The following IMMP2L variants were observed in gnomAD, a reference collection of about 807,000 sequenced individuals.
IMMP2L encodes the protein mitochondrial inner membrane protease subunit 2.
Under a neutral mutation model 19.3 loss-of-function variants are expected in IMMP2L, and 18 were observed. The ratio of observed to expected loss-of-function variants is 0.93; its 90% CI spans 0.64 to 1.38. The LOEUF (loss-of-function observed/expected upper bound fraction) is 1.38. Among genes scored for constraint, IMMP2L ranks in the 40% most tolerant of loss-of-function variants. IMMP2L has a pLI of 0.00. For missense variants in IMMP2L, 233 were observed against 218.2 expected (o/e 1.07, Z -0.43); for synonymous variants, 76 against 73.0 (o/e 1.04, Z -0.21).
At chr7:110,666,823 A>G (rs1334431369) in intron 5 of IMMP2L, among the ~76,000 whole-genome samples, 1 of 152,222 alleles carries the variant, frequency 6.6e-6, no homozygotes, top group Non-Finnish European at 1.5e-5. Flanking sequence ...CACTACAACC[A>G]TTACCAACAA....
intron 5 of IMMP2L, among the ~76,000 whole-genome samples, chr7:110,684,949 C>T (rs1793008194): frequency 6.6e-6 from 1 of 152,060 alleles, no homozygotes; most frequent in South Asian, 2.1e-4. Context: ...TCCAAATTTT[C>T]CTTTTCCTTC....
rs146465082 is a variant in IMMP2L, at chr7:111,531,287, C to CT, written c.-2-9839dup. 3.1e-3 allele frequency among the ~76,000 whole-genome samples: 443 copies of CT among 143,626 alleles called. 1 individual carries two copies. Among genetic ancestry groups the CT allele is most frequent in the African/African-American group, 6.4e-3 (253 of 39,554 alleles). The allele number at this position is 143,626 out of a possible 152,430, so 94.2% of individuals were successfully genotyped here. ...GAATTTTTCTTGTTTTAGTTGTTTT[C>CT]TTTTTTTTTTTTTCCTCATCAATAT... On this transcript the variant is annotated intron_variant, in intron 1 of 5. Coordinates refer to ENST00000405709, the MANE Select transcript of IMMP2L (RefSeq NM_032549.4).
intron 3 of IMMP2L, among the ~76,000 whole-genome samples, chr7:111,312,247 G>A (rs1054626956): frequency 6.6e-6 from 1 of 152,124 alleles, no homozygotes; most frequent in Non-Finnish European, 1.5e-5. Context: ...GAAGCATAGA[G>A]GAAACTGGAG....
At chr7:111,463,545 C>T (rs2132029580) in intron 3 of IMMP2L, among the ~76,000 whole-genome samples, 2 of 152,208 alleles carry the variant, frequency 1.3e-5, no homozygotes, top group South Asian at 4.1e-4. Flanking sequence ...ATACCCCCAC[C>T]AGGCCACTTT....
At chr7:111,043,454 T>A (rs932456233) in intron 3 of IMMP2L, among the ~76,000 whole-genome samples, 1 of 152,216 alleles carries the variant, frequency 6.6e-6, no homozygotes, top group African/African-American at 2.4e-5. Context: ...GGAAAATACA[T>A]AAACTTTAAA....
At chr7:111,304,169 T>C (rs1208037934) in intron 3 of IMMP2L, among the ~76,000 whole-genome samples, 1 of 152,110 alleles carries the variant, frequency 6.6e-6, no homozygotes, top group Non-Finnish European at 1.5e-5. Flanking sequence ...TGTGAATTAT[T>C]ATCATGAATT....
intron 3 of IMMP2L, among the ~76,000 whole-genome samples, chr7:111,240,254 G>C (rs566363824): frequency 3.0e-4 from 46 of 152,070 alleles, no homozygotes; most frequent in African/African-American, 1.1e-3. Flanking sequence ...CACTTAAACT[G>C]ACAGAAACTC....
chr7:111,552,015 C>A (rs889765529), intron 1 of IMMP2L, among the ~76,000 whole-genome samples: 1 of 152,100 alleles, frequency 6.6e-6, no homozygotes, highest in Non-Finnish European at 1.5e-5. Context: ...ACTCAGATGA[C>A]CAACAAGTTC....
intron 3 of IMMP2L, among the ~76,000 whole-genome samples, chr7:111,151,988 G>A (rs1342779737): frequency 3.3e-5 from 5 of 152,136 alleles, no homozygotes; most frequent in South Asian, 2.1e-4. Context: ...GAGTACTGTC[G>A]AAGTTTTAGA....
intron 3 of IMMP2L, among the ~76,000 whole-genome samples, chr7:111,446,792 G>C (rs1012288906): frequency 1.3e-5 from 2 of 152,040 alleles, no homozygotes; most frequent in African/African-American, 4.8e-5. Flanking sequence ...CAAAGGCAAA[G>C]AAGTTGAAAA....
At chr7:111,321,041 AC>A (rs1330648968) in intron 3 of IMMP2L, among the ~76,000 whole-genome samples, 4 of 152,098 alleles carry the variant, frequency 2.6e-5, no homozygotes, top group Admixed American at 2.6e-4. Context: ...AAATATGGCC[AC>A]CAAAATGTGT....
intron 3 of IMMP2L, among the ~76,000 whole-genome samples, chr7:111,002,646 G>A (rs1183101868): frequency 6.6e-6 from 1 of 152,094 alleles, no homozygotes; most frequent in Non-Finnish European, 1.5e-5. Flanking sequence ...TTAATCAAGG[G>A]TAATTTTTAA....
chr7:110,818,158 C>A (rs916070009), intron 5 of IMMP2L, among the ~76,000 whole-genome samples: 1 of 152,086 alleles, frequency 6.6e-6, no homozygotes, highest in African/African-American at 2.4e-5. Flanking sequence ...AAAGAAACTA[C>A]CATCAGAGTG....
chr7:110,785,710 C>G (rs527549510), intron 5 of IMMP2L, among the ~76,000 whole-genome samples: 11 of 151,984 alleles, frequency 7.2e-5, no homozygotes, highest in Admixed American at 3.9e-4. Context: ...TAAACCATAT[C>G]CACTTAATTT....
At chr7:111,432,807 T>G (rs1265735458) in intron 3 of IMMP2L, among the ~76,000 whole-genome samples, 1 of 151,106 alleles carries the variant, frequency 6.6e-6, no homozygotes, top group Non-Finnish European at 1.5e-5. Flanking sequence ...CCCTAAAGAT[T>G]CCACCAAAAA....
intron 3 of IMMP2L, among the ~76,000 whole-genome samples, chr7:111,114,455 T>C (rs2129584854): frequency 6.6e-6 from 1 of 152,208 alleles, no homozygotes; most frequent in East Asian, 1.9e-4. Context: ...AGAAATATAT[T>C]GGCTGGGCAC....
intron 5 of IMMP2L, among the ~76,000 whole-genome samples, chr7:110,690,308 C>T (rs1315355125): frequency 6.6e-6 from 1 of 152,098 alleles, no homozygotes; most frequent in African/African-American, 2.4e-5. Flanking sequence ...GTATTTTGTT[C>T]AGCATTTTTA....
intron 3 of IMMP2L, among the ~76,000 whole-genome samples, chr7:111,453,554 G>A (rs150284703): frequency 3.3e-5 from 5 of 152,112 alleles, no homozygotes; most frequent in Admixed American, 1.3e-4. Context: ...GTTTGATATC[G>A]GTAACTTGCT....
At chr7:110,918,647 G>C (rs775178967) in intron 4 of IMMP2L, among the ~76,000 whole-genome samples, 3 of 151,368 alleles carry the variant, frequency 2.0e-5, no homozygotes, top group Admixed American at 1.3e-4. Context: ...GTAGAGACAG[G>C]GTTTCACCAT....
Sources: allele counts gnomAD v4.1 joint callset (sites outside exome capture counted in the v4.1 genomes callset), GRCh38; gene constraint gnomAD v4.1.1; transcripts MANE v1.5; gene names NCBI Gene and HGNC (gene_info 2026-07-23, HGNC 2026-07-21).